BTD: variants seen among roughly 807,000 people sequenced by gnomAD.
The protein encoded by BTD is biotinidase, also known as biocytinase.
A neutral mutation model predicts 17.7 loss-of-function variants in BTD; 13 were observed. That is an observed-to-expected ratio of 0.74 (90% CI 0.48 to 1.17). The LOEUF is 1.17. BTD is among the 50% of genes most tolerant of loss of function. BTD has a pLI of 0.00. For missense variants in BTD, 674 were observed against 650.4 expected (o/e 1.04, Z -0.39); for synonymous variants, 240 against 245.2 (o/e 0.98, Z 0.20).
At chr3:15,661,838 G>C (rs2065928585) in intron 3 of BTD, among the ~76,000 whole-genome samples, 1 of 152,078 alleles carries the variant, frequency 6.6e-6, no homozygotes, top group Non-Finnish European at 1.5e-5. Flanking sequence ...TTCACTTTTT[G>C]CATGTAGTTG....
chr3:15,658,630 T>C (rs1488351397), downstream of BTD, among the ~76,000 whole-genome samples: 1 of 152,120 alleles, frequency 6.6e-6, no homozygotes, highest in Non-Finnish European at 1.5e-5. Flanking sequence ...GCAAGGCTGC[T>C]TGACACTTTG....
chr3:15,685,892 G>A (rs999576619), intron 3 of BTD: 13 of 807,972 alleles, frequency 1.6e-5, no homozygotes, highest in Non-Finnish European at 2.3e-5. Flanking sequence ...AAATGGTAAA[G>A]ACTATTTGAC....
intron 3 of BTD, among the ~76,000 whole-genome samples, chr3:15,701,609 A>G (rs370259497): frequency 2.0e-5 from 3 of 151,410 alleles, no homozygotes; most frequent in East Asian, 1.9e-4. Flanking sequence ...GCACCATTGC[A>G]CTCCAGCCTG....
chr3:15,661,499 G>A (rs953785370), intron 3 of BTD, among the ~76,000 whole-genome samples: 11 of 152,042 alleles, frequency 7.2e-5, no homozygotes, highest in African/African-American at 2.7e-4. Flanking sequence ...TTTAAAAGTT[G>A]CTTGTGTTCT....
intron 3 of BTD, among the ~76,000 whole-genome samples, chr3:15,708,392 A>C (rs2071755528): frequency 6.6e-6 from 1 of 152,166 alleles, no homozygotes; most frequent in South Asian, 2.1e-4. Flanking sequence ...TCATTTTAGG[A>C]AAGTTTCCCC....
intron 3 of BTD, among the ~76,000 whole-genome samples, chr3:15,710,045 T>C (rs2072021844): frequency 1.3e-5 from 2 of 151,336 alleles, no homozygotes; most frequent in African/African-American, 2.4e-5. Context: ...GGTTTTTTTT[T>C]TTTTCTTGAA....
At chr3:15,660,415 A>G (rs1468072007) in intron 3 of BTD, among the ~76,000 whole-genome samples, 2 of 152,264 alleles carry the variant, frequency 1.3e-5, no homozygotes, top group Non-Finnish European at 2.9e-5. Flanking sequence ...ATTCGACTCC[A>G]GACACAGGTC....
At chr3:15,644,065 A>C (rs2065618256) in intron 3 of BTD, among the ~76,000 whole-genome samples, 1 of 151,640 alleles carries the variant, frequency 6.6e-6, no homozygotes, top group South Asian at 2.1e-4. Flanking sequence ...CAGTGGCGCG[A>C]TCTCGGCTCA....
chr3:15,696,496 T>C (rs888878264), intron 3 of BTD, among the ~76,000 whole-genome samples: 2 of 152,136 alleles, frequency 1.3e-5, no homozygotes, highest in African/African-American at 4.8e-5. Flanking sequence ...CAGCTTTTTT[T>C]TTCATATGTG....
At chr3:15,636,046 G>A (rs2065338999) in intron 2 of BTD, among the ~76,000 whole-genome samples, 1 of 152,158 alleles carries the variant, frequency 6.6e-6, no homozygotes, top group South Asian at 2.1e-4. Context: ...GAATCACGAG[G>A]TAAGTGGTAA....
At chr3:15,668,843 A>G (rs1424516886) in intron 3 of BTD, 1 of 152,672 alleles carries the variant, frequency 6.5e-6, no homozygotes, top group Non-Finnish European at 1.5e-5. Context: ...CCAGTTTCAC[A>G]ATACAAAAAG....
intron 3 of BTD, among the ~76,000 whole-genome samples, chr3:15,686,856 T>A (rs1317238680): frequency 6.6e-6 from 1 of 152,018 alleles, no homozygotes; most frequent in Non-Finnish European, 1.5e-5. Context: ...ACAACATGAA[T>A]GCAAATGTAA....
At chr3:15,602,208 C>A in intron 1 of BTD, 1 of 1,366,774 alleles carries the variant, frequency 7.3e-7, no homozygotes, top group Non-Finnish European at 9.4e-7. Context: ...GATAAAATGA[C>A]GCTCAGAGTC....
chr3:15,645,262 A>C lies in BTD; in HGVS notation c.1346A>C (p.Asp449Ala), dbSNP rs369316343. 1.2e-6 allele frequency: 2 copies of C among 1,614,068 alleles called. No homozygotes were observed. Among genetic ancestry groups the C allele is most frequent in the African/African-American group, 1.3e-5 (1 of 74,932 alleles). Reference sequence around the variant, plus strand: ...GTCAGGTGTGGGGGTCTTGGCTTCGACACCTGTGGACAGGAAATCACAGAG... The same window carrying C: ...GTCAGGTGTGGGGGTCTTGGCTTCGCCACCTGTGGACAGGAAATCACAGAG... ...ALVRCGGLGF[D>A]TCGQEITEAT... Residue 449 changes from aspartate to alanine, a missense_variant, in exon 4 of 4, where the codon GAC becomes GCC. Coordinates refer to ENST00000643237, the MANE Select transcript of BTD (RefSeq NM_001370658.1).
At chr3:15,682,144 G>A (rs2125716437) in intron 3 of BTD, among the ~76,000 whole-genome samples, 1 of 152,144 alleles carries the variant, frequency 6.6e-6, no homozygotes, top group African/African-American at 2.4e-5. Context: ...GCTATGAAGA[G>A]ATGTACTACT....
chr3:15,721,571 G>T (rs141882527), intron 4 of BTD, among the ~76,000 whole-genome samples: 1 of 152,080 alleles, frequency 6.6e-6, no homozygotes, highest in Non-Finnish European at 1.5e-5. Flanking sequence ...GCTAACCTTA[G>T]TAATAAAGTA....
At position 15,661,069 on chromosome 3, in the gene BTD, A is replaced by C. The variant is rs538017975; in HGVS notation, c.399+19012A>C. Among the ~76,000 whole-genome samples, 487 of 151,806 alleles carry C rather than the reference A, an allele frequency of 3.2e-3. 3 individuals are homozygous for C. The highest frequency in any genetic ancestry group is 0.011 in the African/African-American group (475 of 41,386). Reference sequence around the variant, plus strand: ...TCACTTGAGGTCAGGAGTTCAAGACAAGCCTGGCCAACATGGTGAAACCCC... The same window carrying C: ...TCACTTGAGGTCAGGAGTTCAAGACCAGCCTGGCCAACATGGTGAAACCCC... On this transcript the variant is annotated intron_variant, in intron 3 of 3. Transcript: ENST00000672141.
intron 1 of BTD, among the ~76,000 whole-genome samples, chr3:15,614,773 T>C (rs1336832684): frequency 2.0e-5 from 3 of 151,844 alleles, no homozygotes; most frequent in African/African-American, 7.3e-5. Flanking sequence ...ATTTTTGTAT[T>C]TTTTGTAGAG....
intron 1 of BTD, among the ~76,000 whole-genome samples, chr3:15,619,751 T>C (rs1321553189): frequency 6.6e-6 from 1 of 152,222 alleles, no homozygotes; most frequent in Non-Finnish European, 1.5e-5. Context: ...TATTTCAACG[T>C]AAGTTCTATT....
Sources: allele counts gnomAD v4.1 joint callset (sites outside exome capture counted in the v4.1 genomes callset), GRCh38; gene constraint gnomAD v4.1.1; transcripts MANE v1.5; gene names NCBI Gene and HGNC (gene_info 2026-07-23, HGNC 2026-07-21).